The following RAD54L2 variants were observed in gnomAD, a reference collection of about 807,000 sequenced individuals.
RAD54L2 encodes helicase ARIP4.
Under a neutral mutation model 138.4 loss-of-function variants are expected in RAD54L2, and 27 were observed. That is an observed-to-expected ratio of 0.20 (90% CI 0.14 to 0.27). The LOEUF is 0.27. RAD54L2 is among the 10% of genes least tolerant of loss of function. The pLI is 1.00. For missense variants in RAD54L2, 1,396 were observed against 1,890.2 expected (o/e 0.74, Z 4.85); for synonymous variants, 644 against 723.2 (o/e 0.89, Z 1.76).
At position 51,662,949 on chromosome 3, in the gene RAD54L2, C is replaced by G; in HGVS notation, c.3933C>G (p.Ser1311=). 1 of 1,613,992 alleles carries G rather than the reference C, an allele frequency of 6.2e-7. No homozygotes were observed. Among genetic ancestry groups the G allele is most frequent in the Non-Finnish European group, 8.5e-7 (1 of 1,179,878 alleles). Reference sequence around the variant, plus strand: ...ATAACCTCACCACCCCCTTCACCTCCCAGGCTGGGGAGAACTCCCTGTTTA... The same window carrying G: ...ATAACCTCACCACCCCCTTCACCTCGCAGGCTGGGGAGAACTCCCTGTTTA... ...LNHNLTTPFT[S]QAGENSLFMG... Residue 1311 remains serine, a synonymous_variant, in exon 23 of 23, where the codon TCC becomes TCG. Coordinates refer to ENST00000684192, the MANE Select transcript of RAD54L2 (RefSeq NM_015106.4). The surrounding 1 kb of genome is among the most constrained non-coding windows in gnomAD (Gnocchi z 4.6).
At chr3:51,595,131 G>A (rs1337510275) in intron 3 of RAD54L2, among the ~76,000 whole-genome samples, 1 of 152,036 alleles carries the variant, frequency 6.6e-6, no homozygotes, top group Non-Finnish European at 1.5e-5. Flanking sequence ...CTCCCAAAGT[G>A]CTGGGCTTAC....
chr3:51,637,084 T>G lies in RAD54L2; in HGVS notation c.1340-77T>G. 2 of 1,257,020 alleles carry G rather than the reference T, an allele frequency of 1.6e-6. No individual in the cohort carries two copies. Among genetic ancestry groups the G allele is most frequent in the Non-Finnish European group, 2.3e-6 (2 of 887,980 alleles). 77.9% of individuals were successfully genotyped at this position (1,257,020 alleles called of 1,614,324 possible). ...TTCATTTCTTCTGTCTCCTCCAGGG[T>G]GCACCCCTACTTCTCATATTATTGA... On this transcript the variant is annotated intron_variant, in intron 10 of 22. Coordinates refer to ENST00000684192, the MANE Select transcript of RAD54L2 (RefSeq NM_015106.4). This position sits in a 1 kb window ranked among gnomAD's most constrained non-coding sequence, Gnocchi z 5.9.
chr3:51,651,000 G>C (rs913436837), intron 19 of RAD54L2, among the ~76,000 whole-genome samples: 2 of 152,128 alleles, frequency 1.3e-5, no homozygotes, highest in Non-Finnish European at 2.9e-5. Context: ...TTCAGGAGCT[G>C]GTTTTTTGAA....
chr3:51,542,589 G>A (rs1177595282), intron 2 of RAD54L2, among the ~76,000 whole-genome samples: 2 of 152,004 alleles, frequency 1.3e-5, no homozygotes, highest in South Asian at 2.1e-4. Context: ...CAGGCCTCCC[G>A]AGTAGCTGGG....
intron 19 of RAD54L2, among the ~76,000 whole-genome samples, chr3:51,654,580 A>G (rs1208061201): frequency 6.6e-6 from 1 of 152,106 alleles, no homozygotes; most frequent in African/African-American, 2.4e-5. Flanking sequence ...ATTTCCCAAG[A>G]TAGTATTGCT....
chr3:51,580,324 G>T (rs1377441810), intron 2 of RAD54L2, among the ~76,000 whole-genome samples: 1 of 152,190 alleles, frequency 6.6e-6, no homozygotes, highest in African/African-American at 2.4e-5. Flanking sequence ...AGGGAGTGGA[G>T]CACAGAGCTT....
chr3:51,599,022 G>A (rs1272788965), intron 3 of RAD54L2, among the ~76,000 whole-genome samples: 2 of 152,156 alleles, frequency 1.3e-5, no homozygotes, highest in Non-Finnish European at 2.9e-5. Flanking sequence ...ACTGGTGTGC[G>A]TCGGGGGGCA....
At chr3:51,626,920 G>GAT (rs908461906) in intron 3 of RAD54L2, among the ~76,000 whole-genome samples, 3 of 152,046 alleles carry the variant, frequency 2.0e-5, no homozygotes, top group South Asian at 2.1e-4. Context: ...CCCTTCCTGT[G>GAT]ATATATAGCA....
At chr3:51,652,715 T>C (rs1204413760) in intron 19 of RAD54L2, among the ~76,000 whole-genome samples, 1 of 152,212 alleles carries the variant, frequency 6.6e-6, no homozygotes, top group Admixed American at 6.5e-5. Context: ...CTGGAAAAAC[T>C]GGCTAGCCAT....
intron 2 of RAD54L2, among the ~76,000 whole-genome samples, chr3:51,559,403 T>C (rs955755631): frequency 2.6e-5 from 4 of 152,192 alleles, no homozygotes; most frequent in African/African-American, 9.7e-5. Flanking sequence ...GTCCCAGATA[T>C]CTTAAATTTA....
rs1177752576 is a variant in RAD54L2, at chr3:51,640,002, A to G, written c.2231+3A>G. ...GGGGACAAGATCCTTGTGTTTAGGTAGGATGAGAAACTTCCATTTGAGGCT... is the reference window on the plus strand; with the variant it reads ...GGGGACAAGATCCTTGTGTTTAGGTGGGATGAGAAACTTCCATTTGAGGCT... On this transcript the variant is annotated splice_donor_region_variant and intron_variant, in intron 14 of 22. Coordinates refer to ENST00000684192, the MANE Select transcript of RAD54L2 (RefSeq NM_015106.4). 17 of 1,576,940 alleles carry G rather than the reference A, an allele frequency of 1.1e-5. No homozygotes were observed. Among genetic ancestry groups the G allele is most frequent in the Non-Finnish European group, 1.5e-5 (17 of 1,149,050 alleles).
chr3:51,586,774 G>A (rs1202942601), intron 2 of RAD54L2, among the ~76,000 whole-genome samples: 1 of 151,836 alleles, frequency 6.6e-6, no homozygotes, highest in Non-Finnish European at 1.5e-5. Flanking sequence ...TCACCATGTT[G>A]TTTGGGCTGG....
intron 16 of RAD54L2, among the ~76,000 whole-genome samples, chr3:51,644,714 C>T (rs897859456): frequency 2.6e-5 from 4 of 152,172 alleles, no homozygotes; most frequent in African/African-American, 9.7e-5. Context: ...ATAGTGGAAA[C>T]ATCTGTGTGC....
In RAD54L2 at chr3:51,638,361, G is replaced by A. The variant is rs1701042187; in HGVS notation, c.1860+40G>A. The A allele has an allele frequency of 6.2e-7, 1 of 1,607,686 alleles. No homozygotes were observed. Among genetic ancestry groups the A allele is most frequent in the African/African-American group, 1.3e-5 (1 of 74,882 alleles). Reference sequence around the variant, plus strand: ...CAGGGAAGATTGAGATGGGGACTAAGGATACACATGGTCCCAAGGGAGTTA... The same window carrying A: ...CAGGGAAGATTGAGATGGGGACTAAAGATACACATGGTCCCAAGGGAGTTA... On this transcript the variant is annotated intron_variant, in intron 12 of 22. Transcript: ENST00000684192. This position sits in a 1 kb window ranked among gnomAD's most constrained non-coding sequence, Gnocchi z 4.3.
chr3:51,658,081 C>A (rs375481324), intron 21 of RAD54L2, among the ~76,000 whole-genome samples: 1 of 151,572 alleles, frequency 6.6e-6, no homozygotes, highest in South Asian at 2.1e-4. Flanking sequence ...TGCGCCACCA[C>A]GCACAGCTGA....
Position 51,653,920 on chromosome 3 carries a change from T to G in RAD54L2, c.3027-2051T>G, listed in dbSNP as rs377181531. 5.9e-5 allele frequency among the ~76,000 whole-genome samples: 9 copies of G among 152,308 alleles called. No homozygotes were observed. In the East Asian group the frequency reaches 1.3e-3, roughly 23 times the overall value. On this transcript the variant is annotated intron_variant, in intron 19 of 22. Coordinates refer to ENST00000684192, the MANE Select transcript of RAD54L2 (RefSeq NM_015106.4). The stretch of plus-strand genomic sequence containing the variant: ...ACGTTGTGCATGTGTACCCTGGAAC[T>G]TAAAGTATAATAAAATTCAAACAAA...
chr3:51,640,079 A>G, intron 14 of RAD54L2, 80 bp downstream of exon 14: 1 of 1,033,252 alleles, frequency 9.7e-7, no homozygotes, highest in South Asian at 1.5e-5. Context: ...GACCAAGACC[A>G]CCCCCGCCTC....
chr3:51,584,811 A>T (rs888840931), intron 2 of RAD54L2, among the ~76,000 whole-genome samples: 1 of 150,964 alleles, frequency 6.6e-6, no homozygotes, highest in African/African-American at 2.4e-5. Context: ...AAAATTTTTT[A>T]TTTATTTATT....
rs1701043209 is a variant in RAD54L2, at chr3:51,638,389, C to T, written c.1860+68C>T. ...TACACATGGTCCCAAGGGAGTTACT[C>T]CTACTGAGAGTCTTCAATAAAGGGA... On this transcript the variant is annotated intron_variant, in intron 12 of 22. Transcript: ENST00000684192. This position sits in a 1 kb window ranked among gnomAD's most constrained non-coding sequence, Gnocchi z 4.3. The T allele has an allele frequency of 1.9e-6, 3 of 1,566,446 alleles. No homozygotes were observed. The highest frequency in any genetic ancestry group is 2.6e-6 in the Non-Finnish European group (3 of 1,144,078).
Sources: gnomAD v4.1 joint callset for allele counts (sites outside exome capture counted in the v4.1 genomes callset) on GRCh38, gnomAD v4.1.1 for gene constraint, Gnocchi (gnomAD v3.1) non-coding constraint, MANE v1.5 for transcripts, NCBI Gene and HGNC (gene_info 2026-07-23, HGNC 2026-07-21) for gene names.